Variants in TRIM63 observed in about 807,000 individuals in gnomAD.
The protein encoded by TRIM63 is tripartite motif containing 63, also known as E3 ubiquitin-protein ligase TRIM63.
A neutral mutation model predicts 46.0 loss-of-function variants in TRIM63; 48 were observed. That is an observed-to-expected ratio of 1.04 (90% CI 0.83 to 1.33). The LOEUF is 1.33. TRIM63 is among the 40% of genes most tolerant of loss of function. TRIM63 has a pLI of 0.00. For synonymous variants in TRIM63, 175 were observed against 162.8 expected (o/e 1.08, Z -0.57); for missense variants, 455 against 441.2 (o/e 1.03, Z -0.28).
chr1:26,062,096 C>T (rs1277326183), intron 2 of TRIM63, among the ~76,000 whole-genome samples: 5 of 151,874 alleles, frequency 3.3e-5, no homozygotes, highest in African/African-American at 7.3e-5. Flanking sequence ...GATGAAACCC[C>T]GTCTCTACTA....
chr1:26,065,313 C>T (rs1297326778), intron 2 of TRIM63, among the ~76,000 whole-genome samples: 3 of 150,212 alleles, frequency 2.0e-5, no homozygotes, highest in East Asian at 2.0e-4. Flanking sequence ...TGTGGGCCAC[C>T]GCACCCGGCC....
Position 26,066,252 on chromosome 1 carries a change from A to T in TRIM63, c.332+16T>A. On this transcript the variant is annotated intron_variant, in intron 2 of 8. Coordinates refer to ENST00000374272, the MANE Select transcript of TRIM63 (RefSeq NM_032588.4). ...CTGGGAAGGAGGGCGGGCCCCCAGC[A>T]GGCACGAGAACCGACCTGGAGCACT... The T allele has an allele frequency of 1.2e-6, 2 of 1,613,736 alleles. No homozygotes were observed. The highest frequency in any genetic ancestry group is 1.7e-6 in the Non-Finnish European group (2 of 1,179,906).
chr1:26,064,580 G>C (rs2050657366), intron 2 of TRIM63, among the ~76,000 whole-genome samples: 1 of 152,124 alleles, frequency 6.6e-6, no homozygotes, highest in African/African-American at 2.4e-5. Flanking sequence ...TGCCTTCCCG[G>C]GTTACTATGA....
intron 3 of TRIM63, 35 bp downstream of exon 3, chr1:26,061,131 C>T: frequency 6.2e-7 from 1 of 1,602,876 alleles, no homozygotes; most frequent in Non-Finnish European, 8.5e-7. Flanking sequence ...GCCCAGCAGG[C>T]CCAGGCTGGG....
chr1:26,062,000 G>T (rs975496761), intron 2 of TRIM63, among the ~76,000 whole-genome samples: 1 of 152,200 alleles, frequency 6.6e-6, no homozygotes, highest in African/African-American at 2.4e-5. Context: ...GGGCGCAGTG[G>T]CTCACGCCTG....
In TRIM63 at chr1:26,058,410, C is replaced by T. The variant is rs773464919; in HGVS notation, c.811G>A (p.Gly271Arg). Residue 271 changes from glycine to arginine, a missense_variant, in exon 5 of 9, where the codon GGG (glycine) becomes AGG (arginine). By Grantham distance (125) the Gly-to-Arg change is moderately radical. Transcript: ENST00000374272. ...CTCACCAAGAGGAAGGTGGCTCCCC[C>T]AGGCTCGTCCAGGGACTGGATGGCA... Reference protein sequence around the residue: ...ETAIQSLDEPGGATFLLTAKQ... With the variant: ...ETAIQSLDEPRGATFLLTAKQ... The T allele has an allele frequency of 1.9e-6, 3 of 1,614,130 alleles. No individual in the cohort carries two copies. Among genetic ancestry groups the T allele is most frequent in the African/African-American group, 2.7e-5 (2 of 75,044 alleles).
At chr1:26,057,870 C>G (rs1383920985) in intron 5 of TRIM63, among the ~76,000 whole-genome samples, 1 of 152,170 alleles carries the variant, frequency 6.6e-6, no homozygotes, top group Non-Finnish European at 1.5e-5. Context: ...ACTGTCTTGA[C>G]AGGAAGCTTG....
rs894282094 is a variant in TRIM63, at chr1:26,055,451, G to A, written c.980-1487C>T. 3.3e-5 allele frequency among the ~76,000 whole-genome samples: 5 copies of A among 152,128 alleles called. 1 individual carries two copies. In the South Asian group the frequency reaches 1.0e-3, roughly 32 times the overall value. Reference sequence around the variant, plus strand: ...GCTCAGGGAGATTAGGAAGGCCAGTGCAGGACTTCACAATGTTATGTTCAC... The same window carrying A: ...GCTCAGGGAGATTAGGAAGGCCAGTACAGGACTTCACAATGTTATGTTCAC... On this transcript the variant is annotated intron_variant, in intron 7 of 8. Coordinates refer to ENST00000374272, the MANE Select transcript of TRIM63 (RefSeq NM_032588.4).
At chr1:26,060,191 G>A in intron 4 of TRIM63, 75 bp downstream of exon 4, 2 of 1,380,738 alleles carry the variant, frequency 1.4e-6, no homozygotes, top group South Asian at 1.2e-5. Context: ...CACAACCTAT[G>A]GGTGAGCCTT....
chr1:26,064,244 A>G (rs2050653691), intron 2 of TRIM63, among the ~76,000 whole-genome samples: 1 of 152,166 alleles, frequency 6.6e-6, no homozygotes, highest in Non-Finnish European at 1.5e-5. Flanking sequence ...CAGCCTGGCC[A>G]ACATGGTGAA....
chr1:26,055,643 C>T (rs578217067), intron 7 of TRIM63, among the ~76,000 whole-genome samples: 2 of 152,082 alleles, frequency 1.3e-5, no homozygotes, highest in East Asian at 3.9e-4. Context: ...CCCGAGTTAG[C>T]TGGGATTACA....
At chr1:26,066,866 T>A (rs2050683213) in intron 1 of TRIM63, among the ~76,000 whole-genome samples, 1 of 151,446 alleles carries the variant, frequency 6.6e-6, no homozygotes, top group South Asian at 2.1e-4. Flanking sequence ...CCTTCCTTTC[T>A]CGGGGAGTTG....
intron 8 of TRIM63, among the ~76,000 whole-genome samples, chr1:26,052,216 T>G (rs2050528641): frequency 6.6e-6 from 1 of 152,206 alleles, no homozygotes; most frequent in South Asian, 2.1e-4. Flanking sequence ...AACGATTATC[T>G]TATTCACTTC....
In TRIM63 at chr1:26,067,312, A is replaced by G. The variant is rs555649255; in HGVS notation, c.159+24T>C. Reference sequence around the variant, plus strand: ...GCCAAGTAGCCACCTGGGGACCCCAAATGAAGCTGCACCCGGCACTTACCT... The same window carrying G: ...GCCAAGTAGCCACCTGGGGACCCCAGATGAAGCTGCACCCGGCACTTACCT... On this transcript the variant is annotated intron_variant, in intron 1 of 8. Coordinates refer to ENST00000374272, the MANE Select transcript of TRIM63 (RefSeq NM_032588.4). 2,210 of 1,612,170 alleles carry G rather than the reference A, an allele frequency of 1.4e-3. 64 individuals are homozygous for G. In the South Asian group the frequency reaches 0.023, roughly 17 times the overall value.
rs1291705988 is a variant in TRIM63 at position 26,058,570 on chromosome 1, A to G, written c.651T>C (p.Tyr217=). The change falls in exon 5 of 9, where the codon TAT becomes TAC. Residue 217 remains tyrosine, a synonymous_variant. Coordinates refer to ENST00000374272, the MANE Select transcript of TRIM63 (RefSeq NM_032588.4). ...EELSQKFDTL[Y]AILDEKKSEL... is the part of the protein sequence containing the mutation. ...CACTTTTCTTCTCATCCAGGATGGC[A>G]TACAACGTGTCAAACTTCTGGCTCA... 6.2e-7 allele frequency: 1 copy of G among 1,614,166 alleles called. No individual in the cohort carries two copies. The highest frequency in any genetic ancestry group is 1.1e-5 in the South Asian group (1 of 91,080).
rs2050582152 is a variant in TRIM63 at position 26,057,312 on chromosome 1, G to C, written c.870C>G (p.Ser290=). 6.2e-7 allele frequency: 1 copy of C among 1,614,026 alleles called. No homozygotes were observed. Among genetic ancestry groups the C allele is most frequent in the African/African-American group, 1.3e-5 (1 of 74,938 alleles). The change falls in exon 7 of 9, where the codon TCC becomes TCG. Residue 290 remains serine, a synonymous_variant. Coordinates refer to ENST00000374272, the MANE Select transcript of TRIM63 (RefSeq NM_032588.4). ...CTGTCTTCCCCAGCTGGCAGCCCTTGGAAGCTTCCACAATGCTGCAGGGGA... is the reference window on the plus strand; with the variant it reads ...CTGTCTTCCCCAGCTGGCAGCCCTTCGAAGCTTCCACAATGCTGCAGGGGA... The part of the protein sequence containing the change: ...KQLIKSIVEA[S]KGCQLGKTEQ...
intron 2 of TRIM63, among the ~76,000 whole-genome samples, chr1:26,063,012 C>A (rs2050641424): frequency 6.6e-6 from 1 of 152,108 alleles, no homozygotes; most frequent in Non-Finnish European, 1.5e-5. Flanking sequence ...CCACCTCAGC[C>A]TCCCAAAGTG....
chr1:26,058,248 TTGACAGA>T (rs1490823225), intron 5 of TRIM63, 135 bp downstream of exon 5: 22 of 690,232 alleles, frequency 3.2e-5, no homozygotes, highest in Non-Finnish European at 5.0e-5. Context: ...ACATGCCCAT[TTGACAGA>T]TGAGGAAACT....
rs531163850 is a variant in TRIM63, at chr1:26,054,456, C to A, written c.980-492G>T. ...TTAGCCTGTGGAGGGGAGGGGTGGA[C>A]ATGATGGGGAAGCACTTCTGGAGCC... On this transcript the variant is annotated intron_variant, in intron 7 of 8. Transcript: ENST00000374272. 2.0e-5 allele frequency among the ~76,000 whole-genome samples: 3 copies of A among 152,276 alleles called. No homozygotes were observed. In the South Asian group the frequency reaches 6.2e-4, roughly 32 times the overall value.
Sources: gnomAD v4.1 joint callset for allele counts (sites outside exome capture counted in the v4.1 genomes callset) on GRCh38, gnomAD v4.1.1 for gene constraint, MANE v1.5 for transcripts, NCBI Gene and HGNC (gene_info 2026-07-23, HGNC 2026-07-21) for gene names.